The following MAD1L1 variants were observed in gnomAD, a reference collection of about 807,000 sequenced individuals.
MAD1L1 encodes mitotic arrest deficient 1 like 1.
MAD1L1 carries 95 observed loss-of-function variants against 96.9 expected under a neutral mutation model. The observed-to-expected ratio is 0.98, with a 90% confidence interval of 0.83 to 1.16. The LOEUF is 1.16. MAD1L1 is among the 50% of genes most tolerant of loss of function. The pLI, the probability that MAD1L1 is intolerant of heterozygous loss-of-function variation, is 0.00. For synonymous variants in MAD1L1, 473 were observed against 396.6 expected (o/e 1.19, Z -2.29); for missense variants, 1,007 against 954.4 (o/e 1.06, Z -0.73).
Position 1,943,617 on chromosome 7 carries a change from T to C in MAD1L1, c.1597-6720A>G, listed in dbSNP as rs1048319778. Among the ~76,000 whole-genome samples the C allele has an allele frequency of 2.8e-4, 42 of 151,628 alleles. 1 individual carries two copies. The highest frequency in any genetic ancestry group is 2.7e-3 in the Admixed American group (41 of 15,204). ...GGCTGGGAAGTCACGCAACAACACG[T>C]TGGTGAGGATGGGGATAAACTGGAA... On this transcript the variant is annotated intron_variant, in intron 16 of 18. Coordinates refer to ENST00000265854, the MANE Select transcript of MAD1L1 (RefSeq NM_001013836.2).
In MAD1L1 at chr7:2,193,936, A is replaced by ATTTTTT. The variant is rs35067993; in HGVS notation, c.986+19270_986+19275dup. Reference sequence around the variant, plus strand: ...GAAAAGGCAGCAAGGCTCTGCATGGATTTTTTTTTTTTTTTTTTTTTTTTT... The same window carrying ATTTTTT: ...GAAAAGGCAGCAAGGCTCTGCATGGATTTTTTTTTTTTTTTTTTTTTTTTTTTTTTT... On this transcript the variant is annotated intron_variant, in intron 10 of 18. Transcript: ENST00000265854. Among the ~76,000 whole-genome samples, 246 of 82,780 alleles carry ATTTTTT rather than the reference A, an allele frequency of 3.0e-3. 6 individuals carry two copies. The highest frequency in any genetic ancestry group is 9.6e-3 in the Middle Eastern group (1 of 104). 54.3% of individuals were successfully genotyped at this position (82,780 alleles called of 152,430 possible). A position where few individuals can be genotyped will look rare whatever the true frequency, so the allele number is the denominator to read the frequency against.
At chr7:1,891,196 G>C (rs1052860016) in intron 18 of MAD1L1, among the ~76,000 whole-genome samples, 1 of 152,230 alleles carries the variant, frequency 6.6e-6, no homozygotes, top group African/African-American at 2.4e-5. Flanking sequence ...ATAGCTGTAG[G>C]ATGTGCTTGT....
At chr7:1,912,857 C>T (rs141466821) in intron 17 of MAD1L1, among the ~76,000 whole-genome samples, 68 of 152,308 alleles carry the variant, frequency 4.5e-4, no homozygotes, top group African/African-American at 1.5e-3. Context: ...GCAGCTGGTC[C>T]GTGGAGAGAG....
At chr7:2,131,462 G>T (rs577671298) in intron 11 of MAD1L1, among the ~76,000 whole-genome samples, 1 of 152,338 alleles carries the variant, frequency 6.6e-6, no homozygotes, top group Admixed American at 6.5e-5. Context: ...AGGAAACAGG[G>T]AGCAGCTGAG....
chr7:2,227,978 C>T (rs1288305880), intron 3 of MAD1L1, among the ~76,000 whole-genome samples: 1 of 152,188 alleles, frequency 6.6e-6, no homozygotes, highest in African/African-American at 2.4e-5. Flanking sequence ...ATTCCCCCGG[C>T]CTGCCATGTT....
chr7:2,131,949 C>T (rs1377771589), intron 11 of MAD1L1, among the ~76,000 whole-genome samples: 3 of 152,174 alleles, frequency 2.0e-5, no homozygotes, highest in East Asian at 3.8e-4. Flanking sequence ...TGCTCAGGTG[C>T]CTCTAATGGA....
At chr7:2,013,361 G>A (rs1314744431) in intron 13 of MAD1L1, among the ~76,000 whole-genome samples, 1 of 152,248 alleles carries the variant, frequency 6.6e-6, no homozygotes, top group Non-Finnish European at 1.5e-5. Context: ...CCCAGACACA[G>A]TGACCCTTGA....
At chr7:2,213,626 G>A (rs1487658888) in intron 9 of MAD1L1, among the ~76,000 whole-genome samples, 1 of 152,200 alleles carries the variant, frequency 6.6e-6, no homozygotes, top group African/African-American at 2.4e-5. Flanking sequence ...TCCTTGAGCC[G>A]TTAGGACTCA....
chr7:1,896,975 A>G (rs189276628), intron 18 of MAD1L1, among the ~76,000 whole-genome samples: 1 of 152,392 alleles, frequency 6.6e-6, no homozygotes, highest in Admixed American at 6.5e-5. Flanking sequence ...TACATTTCTG[A>G]TAGCTTAAAG....
At chr7:1,860,351 GCGGGGCGGCC>G (rs1422333739) in intron 18 of MAD1L1, among the ~76,000 whole-genome samples, 1 of 73,202 alleles carries the variant, frequency 1.4e-5, no homozygotes, top group Non-Finnish European at 3.2e-5. Context: ...GTGACATCCT[GCGGGGCGGCC>G]TCTGTGTCCC....
At chr7:2,170,253 C>T (rs552863462) in intron 10 of MAD1L1, among the ~76,000 whole-genome samples, 1 of 152,384 alleles carries the variant, frequency 6.6e-6, no homozygotes, top group East Asian at 1.9e-4. Flanking sequence ...CAAGGCAGCA[C>T]ACGTGCACAT....
At chr7:2,055,355 C>T (rs1026761043) in intron 12 of MAD1L1, among the ~76,000 whole-genome samples, 1 of 152,118 alleles carries the variant, frequency 6.6e-6, no homozygotes, top group African/African-American at 2.4e-5. Flanking sequence ...CCCCTGTGGC[C>T]CGCATCGTAG....
chr7:1,873,414 A>G (rs1785210485), intron 18 of MAD1L1, among the ~76,000 whole-genome samples: 1 of 141,904 alleles, frequency 7.0e-6, no homozygotes. Context: ...GGAAGGTGGC[A>G]TTTGGGCTGA....
chr7:1,926,772 G>A (rs1179539197), intron 17 of MAD1L1, among the ~76,000 whole-genome samples: 1 of 152,232 alleles, frequency 6.6e-6, no homozygotes, highest in East Asian at 1.9e-4. Context: ...GCAGCTAGCA[G>A]CACGCCTCAT....
intron 16 of MAD1L1, among the ~76,000 whole-genome samples, chr7:1,947,609 T>C (rs982502756): frequency 1.7e-4 from 25 of 149,394 alleles, no homozygotes; most frequent in African/African-American, 5.5e-4. Flanking sequence ...GGCCTTCCCA[T>C]CTCCTGCCCG....
chr7:1,848,086 G>A (rs1783741027), intron 18 of MAD1L1: 1 of 281,432 alleles, frequency 3.6e-6, no homozygotes, highest in African/African-American at 2.2e-5. Context: ...CAGAGACGAT[G>A]ATGGAGGAGC....
chr7:2,175,103 GGTCACACAGA>G (rs1790884355), intron 10 of MAD1L1: 1 of 152,216 alleles, frequency 6.6e-6, no homozygotes, highest in African/African-American at 2.4e-5. Context: ...TCATCTCGGC[GGTCACACAGA>G]GTTCACTTAC....
intron 14 of MAD1L1, among the ~76,000 whole-genome samples, chr7:1,987,665 C>T (rs1013563958): frequency 2.0e-5 from 3 of 152,206 alleles, no homozygotes; most frequent in Non-Finnish European, 2.9e-5. Flanking sequence ...CCGCCGGGCC[C>T]GCACGGCAGG....
At chr7:1,988,307 C>T (rs56362140) in intron 14 of MAD1L1, among the ~76,000 whole-genome samples, 5,223 of 152,310 alleles carry the variant, frequency 0.034, 183 homozygotes, top group Admixed American at 0.098. Flanking sequence ...CATCAGGCAG[C>T]GCACACAGCA....
Sources: allele counts gnomAD v4.1 joint callset (sites outside exome capture counted in the v4.1 genomes callset), GRCh38; gene constraint gnomAD v4.1.1; transcripts MANE v1.5; gene names NCBI Gene and HGNC (gene_info 2026-07-23, HGNC 2026-07-21).